Variants in GNAO1 observed in about 807,000 individuals in gnomAD.
The protein encoded by GNAO1 is guanine nucleotide-binding protein G(o) subunit alpha.
For synonymous variants in GNAO1, 164 were observed against 180.7 expected (o/e 0.91, Z 0.74); for missense variants, 166 against 478.7 (o/e 0.35, Z 6.10).
At chr16:56,225,156 A>G (rs2036523123) in intron 2 of GNAO1, among the ~76,000 whole-genome samples, 1 of 152,260 alleles carries the variant, frequency 6.6e-6, no homozygotes, top group Non-Finnish European at 1.5e-5. Context: ...TCTGTAGAGC[A>G]GGATGTGGCA....
At chr16:56,238,488 T>C (rs74540118) in intron 2 of GNAO1, among the ~76,000 whole-genome samples, 19,649 of 152,216 alleles carry the variant, frequency 0.13, 1,600 homozygotes, top group African/African-American at 0.22. Context: ...CCTCCCCACC[T>C]TGTTGACTTT....
At chr16:56,337,971 C>T (rs1035571231) in intron 6 of GNAO1, among the ~76,000 whole-genome samples, 3 of 152,180 alleles carry the variant, frequency 2.0e-5, no homozygotes, top group South Asian at 2.1e-4. Flanking sequence ...AGGCTGGCAC[C>T]GAGGGTTTGA....
intron 2 of GNAO1, among the ~76,000 whole-genome samples, chr16:56,259,257 G>A (rs1243428408): frequency 6.6e-6 from 1 of 152,246 alleles, no homozygotes; most frequent in Admixed American, 6.5e-5. Context: ...CCGCCTCCTT[G>A]TCAGGGAACG....
intron 2 of GNAO1, chr16:56,270,821 G>A (rs1201585417): frequency 6.6e-6 from 1 of 152,116 alleles, no homozygotes; most frequent in African/African-American, 2.4e-5. Context: ...AAAAGTATGG[G>A]GTGGGCTTCA....
intron 3 of GNAO1, among the ~76,000 whole-genome samples, chr16:56,293,607 A>C (rs2037254806): frequency 6.6e-6 from 1 of 152,220 alleles, no homozygotes; most frequent in Non-Finnish European, 1.5e-5. Context: ...ATTAAATGGT[A>C]CGTGGATAAA....
At chr16:56,239,579 C>T (rs2036674470) in intron 2 of GNAO1, among the ~76,000 whole-genome samples, 1 of 152,184 alleles carries the variant, frequency 6.6e-6, no homozygotes, top group Non-Finnish European at 1.5e-5. Context: ...GAGCCTACAT[C>T]TGTAGGTGCT....
At chr16:56,253,129 G>A (rs190978251) in intron 2 of GNAO1, among the ~76,000 whole-genome samples, 1 of 152,190 alleles carries the variant, frequency 6.6e-6, no homozygotes, top group East Asian at 1.9e-4. Context: ...AGCTGCTCCT[G>A]GTCCTGGGCC....
intron 2 of GNAO1, among the ~76,000 whole-genome samples, chr16:56,204,923 G>A (rs1397098634): frequency 1.3e-5 from 2 of 152,118 alleles, no homozygotes; most frequent in African/African-American, 2.4e-5. Context: ...TTCTACTCAA[G>A]TCTTGAGGTC....
In GNAO1 at chr16:56,351,485, T is replaced by C. The variant is rs778172059; in HGVS notation, c.825T>C (p.Phe275=). Residue 275 remains phenylalanine (F), a synonymous_variant, in exon 7 of 9, where the codon TTT becomes TTC. Coordinates refer to ENST00000262493, the MANE Select transcript of GNAO1 (RefSeq NM_020988.3). This position sits in a 1 kb window ranked among gnomAD's most constrained non-coding sequence, Gnocchi z 6.1. ...IILFLNKKDL[F]GEKIKKSPLT... is the part of the protein sequence containing the mutation. ...TCTTCCTCAACAAGAAAGATCTCTT[T>C]GGCGAGAAGATCAAGAAGTCACCTT... 7 of 1,612,908 alleles carry C rather than the reference T, an allele frequency of 4.3e-6. No homozygotes were observed. In the African/African-American group the frequency reaches 9.3e-5, roughly 22 times the overall value.
intron 3 of GNAO1, among the ~76,000 whole-genome samples, chr16:56,325,437 C>T (rs1193783711): frequency 6.6e-6 from 1 of 152,224 alleles, no homozygotes; most frequent in Admixed American, 6.5e-5. Flanking sequence ...GATCATGCCA[C>T]TGCATTCCAG....
intron 6 of GNAO1, chr16:56,346,201 C>T: frequency 1.0e-6 from 1 of 985,080 alleles, no homozygotes; most frequent in Non-Finnish European, 1.2e-6. Flanking sequence ...TCTCCCTGTG[C>T]ATGACACCTG....
intron 2 of GNAO1, among the ~76,000 whole-genome samples, chr16:56,266,939 GC>G (rs1398334477): frequency 2.6e-5 from 4 of 151,860 alleles, no homozygotes; most frequent in Non-Finnish European, 5.9e-5. Flanking sequence ...TTCCTAGAAA[GC>G]CCTCCCAGTC....
At chr16:56,234,733 C>A (rs918213595) in intron 2 of GNAO1, among the ~76,000 whole-genome samples, 1 of 152,142 alleles carries the variant, frequency 6.6e-6, no homozygotes, top group Non-Finnish European at 1.5e-5. Flanking sequence ...CTCTGGTTCC[C>A]CCCCAACTCC....
At chr16:56,331,424 C>G (rs750271458) in intron 4 of GNAO1, among the ~76,000 whole-genome samples, 25 of 152,196 alleles carry the variant, frequency 1.6e-4, no homozygotes, top group Non-Finnish European at 2.8e-4. Context: ...CTCACCTTCT[C>G]TCTTGACCCC....
chr16:56,245,199 T>A (rs1296975534), intron 2 of GNAO1, among the ~76,000 whole-genome samples: 1 of 152,188 alleles, frequency 6.6e-6, no homozygotes, highest in Non-Finnish European at 1.5e-5. Flanking sequence ...AGATGTGGCC[T>A]CTGCTAGGCT....
At chr16:56,295,641 C>T (rs923461559) in intron 3 of GNAO1, among the ~76,000 whole-genome samples, 18 of 152,242 alleles carry the variant, frequency 1.2e-4, no homozygotes, top group African/African-American at 4.3e-4. Context: ...TGTCTCGCTT[C>T]CTGTTCCAGA....
chr16:56,192,789 G>A (rs1482861609), intron 2 of GNAO1, 173 bp downstream of exon 2: 1 of 602,266 alleles, frequency 1.7e-6, no homozygotes. Flanking sequence ...CCCTACGTTG[G>A]TTCTGGGTCC....
chr16:56,320,926 C>T (rs1481900060), intron 3 of GNAO1, among the ~76,000 whole-genome samples: 1 of 152,206 alleles, frequency 6.6e-6, no homozygotes, highest in Non-Finnish European at 1.5e-5. Flanking sequence ...TACTGAATCC[C>T]CCAGACTGCC....
chr16:56,223,673 A>C (rs533126195), intron 2 of GNAO1, among the ~76,000 whole-genome samples: 13 of 152,292 alleles, frequency 8.5e-5, no homozygotes, highest in Non-Finnish European at 1.8e-4. Flanking sequence ...CCTTTGGGTT[A>C]TGAGGATGGG....
Sources: allele counts gnomAD v4.1 joint callset (sites outside exome capture counted in the v4.1 genomes callset), GRCh38; gene constraint gnomAD v4.1.1; non-coding constraint Gnocchi (gnomAD v3.1); transcripts MANE v1.5; gene names NCBI Gene and HGNC (gene_info 2026-07-23, HGNC 2026-07-21).